The following DNAJA1 variants were observed in gnomAD, a reference collection of about 807,000 sequenced individuals.
The protein encoded by DNAJA1 is DnaJ heat shock protein family (Hsp40) member A1, also known as dnaJ homolog subfamily A member 1.
A neutral mutation model predicts 47.6 loss-of-function variants in DNAJA1; 26 were observed. The observed-to-expected ratio is 0.55, with a 90% confidence interval of 0.40 to 0.76. The LOEUF (loss-of-function observed/expected upper bound fraction) is 0.76. Among genes scored for constraint, DNAJA1 ranks in the 30% least tolerant of loss-of-function variants. The pLI is 0.00. For synonymous variants in DNAJA1, 165 were observed against 158.4 expected (o/e 1.04, Z -0.31); for missense variants, 315 against 485.0 (o/e 0.65, Z 3.29).
In DNAJA1 at chr9:33,026,654, C is replaced by A. The variant is rs756858614; in HGVS notation, c.132+38C>A. The A allele has an allele frequency of 6.3e-6, 10 of 1,582,558 alleles. No homozygotes were observed. The South Asian group carries it at 1.1e-4, about 17-fold the overall frequency. On this transcript the variant is annotated intron_variant, in intron 2 of 8. Transcript: ENST00000330899. The stretch of plus-strand genomic sequence containing the variant: ...TACTCTTAAACGTATCTGAATAGTT[C>A]TTTGCCAGACGTATAGTATTTCTAT...
intron 3 of DNAJA1, 142 bp downstream of exon 3, chr9:33,027,132 G>C: frequency 1.0e-6 from 1 of 1,004,160 alleles, no homozygotes; most frequent in Non-Finnish European, 1.4e-6. Flanking sequence ...CTGATTTATG[G>C]TGTCGTGTTT....
intron 8 of DNAJA1, 91 bp downstream of exon 8, chr9:33,037,206 T>C: frequency 1.9e-6 from 2 of 1,079,614 alleles, no homozygotes; most frequent in Non-Finnish European, 2.7e-6. Flanking sequence ...TGCAAGTAGC[T>C]CATGCCTGTA....
intron 6 of DNAJA1, 37 bp downstream of exon 6, chr9:33,034,367 A>G (rs1352913431): frequency 6.6e-6 from 10 of 1,511,750 alleles, no homozygotes; most frequent in East Asian, 4.5e-5. Flanking sequence ...TTGATATCAC[A>G]TATTTGGGTT....
At position 33,037,106 on chromosome 9, in the gene DNAJA1, C is replaced by G; in HGVS notation, c.966C>G (p.Ile322Met). 1 of 1,613,528 alleles carries G rather than the reference C, an allele frequency of 6.2e-7. No individual in the cohort carries two copies. The highest frequency in any genetic ancestry group is 8.5e-7 in the Non-Finnish European group (1 of 1,179,650). The change falls in exon 8 of 9, where the codon ATC (isoleucine) becomes ATG (methionine). Residue 322 changes from isoleucine to methionine, a missense_variant. By Grantham distance (10) the Ile-to-Met change is conservative (BLOSUM62 1). Transcript: ENST00000330899. ...CATATGAAAAGGGTCGCCTAATCAT[C>G]GAATTTAAGGTAAGCTGTAATGTAC... ...RRPYEKGRLIIEFKVNFPENG... is the reference protein window; with the variant it reads ...RRPYEKGRLIMEFKVNFPENG...
rs900750633 is a variant in DNAJA1, at chr9:33,039,155, T to C, written c.*252T>C. ...TACAAAGAAGTTCCCCTAGCATTTC[T>C]AGGCCAAACCTTGTAATTGACTTCA... On this transcript the variant is annotated 3_prime_UTR_variant, in exon 9 of 9. Transcript: ENST00000330899. The C allele has an allele frequency of 1.3e-5, 6 of 467,826 alleles. No individual in the cohort carries two copies. Among genetic ancestry groups the C allele is most frequent in the African/African-American group, 9.8e-5 (5 of 50,960 alleles). 29.0% of individuals were successfully genotyped at this position (467,826 alleles called of 1,614,324 possible).
intron 5 of DNAJA1, among the ~76,000 whole-genome samples, chr9:33,032,095 T>C (rs1263500946): frequency 2.6e-5 from 4 of 152,270 alleles, no homozygotes; most frequent in Non-Finnish European, 5.9e-5. Flanking sequence ...TCTACTATTA[T>C]ACTGTACTGT....
At chr9:33,025,864 A>T (rs1166617707) in intron 1 of DNAJA1, among the ~76,000 whole-genome samples, 1 of 152,120 alleles carries the variant, frequency 6.6e-6, no homozygotes, top group Non-Finnish European at 1.5e-5. Flanking sequence ...ACTTGGGTCC[A>T]GGGTGGGAGG....
chr9:33,038,168 C>CTTT (rs1339799205), intron 8 of DNAJA1, among the ~76,000 whole-genome samples: 2 of 151,900 alleles, frequency 1.3e-5, no homozygotes, highest in Non-Finnish European at 2.9e-5. Context: ...CCACGCTGGG[C>CTTT]TTTTTAGTAG....
Position 33,039,563 on chromosome 9 carries a change from T to C in DNAJA1, c.*660T>C, listed in dbSNP as rs1361662317. The C allele has an allele frequency of 1.9e-5, 2 of 107,984 alleles. No homozygotes were observed. The highest frequency in any genetic ancestry group is 4.3e-5 in the Non-Finnish European group (2 of 46,374). 6.7% of individuals were successfully genotyped at this position (107,984 alleles called of 1,614,324 possible). ...TATATATATACATATATATATATAA[T>C]CTTGACCAGTCCTGGTCATTTGCTC... On this transcript the variant is annotated 3_prime_UTR_variant, in exon 9 of 9. Coordinates refer to ENST00000330899, the MANE Select transcript of DNAJA1 (RefSeq NM_001539.4).
At chr9:33,036,550 A>G in intron 6 of DNAJA1, 24 bp from the exon 7 acceptor site, 1 of 1,489,180 alleles carries the variant, frequency 6.7e-7, no homozygotes, top group South Asian at 1.2e-5. Context: ...TGAAAAATAT[A>G]AATATGTGTC....
At position 33,036,661 on chromosome 9, in the gene DNAJA1, C is replaced by T; in HGVS notation, c.846C>T (p.Asn282=). 1 of 1,613,864 alleles carries T rather than the reference C, an allele frequency of 6.2e-7. No homozygotes were observed. Among genetic ancestry groups the T allele is most frequent in the Non-Finnish European group, 8.5e-7 (1 of 1,179,854 alleles). The stretch of plus-strand genomic sequence containing the variant: ...AGAAGCCAATATCTACTCTTGACAA[C>T]CGAACCATCGTCATCACCTCTCATC... The part of the protein sequence containing the change: ...GFQKPISTLD[N]RTIVITSHPG... Residue 282 remains asparagine, a synonymous_variant, in exon 7 of 9, where the codon AAC becomes AAT. Transcript: ENST00000330899.
At chr9:33,031,367 G>C (rs1280427266) in intron 5 of DNAJA1, among the ~76,000 whole-genome samples, 1 of 152,204 alleles carries the variant, frequency 6.6e-6, no homozygotes, top group East Asian at 1.9e-4. Context: ...AAAGTGCTGG[G>C]ATTACAGGCA....
chr9:33,033,391 A>G (rs1174138631), intron 5 of DNAJA1, among the ~76,000 whole-genome samples: 2 of 152,012 alleles, frequency 1.3e-5, no homozygotes, highest in East Asian at 1.9e-4. Flanking sequence ...TAAGGGGACT[A>G]TACTGAATAG....
chr9:33,038,695 C>T lies in DNAJA1; in HGVS notation c.986C>T (p.Pro329Leu). 1 of 1,613,590 alleles carries T rather than the reference C, an allele frequency of 6.2e-7. No homozygotes were observed. The change falls in exon 9 of 9, where the codon CCT (proline) becomes CTT (leucine). Residue 329 changes from proline to leucine, a missense_variant. Physicochemically the swap from Pro to Leu is moderately conservative, Grantham distance 98. Transcript: ENST00000330899. ...RLIIEFKVNF[P>L]ENGFLSPDKL... ...AAGTTTCTTTTGAAGGTAAACTTTC[C>T]TGAGAATGGCTTTCTCTCTCCTGAT...
chr9:33,030,504 A>G lies in DNAJA1; in HGVS notation c.480A>G (p.Ile160Met), dbSNP rs1441184740. 4.3e-6 allele frequency: 7 copies of G among 1,614,012 alleles called. No homozygotes were observed. Among genetic ancestry groups the G allele is most frequent in the Non-Finnish European group, 5.9e-6 (7 of 1,180,020 alleles). ...ATTGCCGAGGTACTGGAATGCAAAT[A>G]AGAATTCATCAGATAGGACCTGGAA... ...CPNCRGTGMQ[I>M]RIHQIGPGMV... Residue 160 changes from isoleucine (I) to methionine (M), a missense_variant, in exon 5 of 9, where the codon ATA becomes ATG. Ile to Met is a conservative substitution (Grantham distance 10). This residue lies in a region of DNAJA1 where 8 missense variants were observed against 43.4 expected (regional missense o/e 0.18). Transcript: ENST00000330899.
chr9:33,026,650 A>C (rs777482678), intron 2 of DNAJA1, 34 bp downstream of exon 2: 2 of 1,585,498 alleles, frequency 1.3e-6, no homozygotes, highest in East Asian at 4.5e-5. Flanking sequence ...GTATCTGAAT[A>C]GTTCTTTGCC....
At chr9:33,035,981 C>G (rs961147012) in intron 6 of DNAJA1, 1 of 152,088 alleles carries the variant, frequency 6.6e-6, no homozygotes, top group African/African-American at 2.4e-5. Context: ...ATCTAGGACC[C>G]TGCCCAGGCT....
intron 3 of DNAJA1, among the ~76,000 whole-genome samples, chr9:33,029,679 C>A (rs1490420895): frequency 1.3e-5 from 2 of 152,190 alleles, no homozygotes; most frequent in African/African-American, 4.8e-5. Context: ...TAATCTCTGA[C>A]CTGATTTTCC....
At position 33,026,789 on chromosome 9, in the gene DNAJA1, A is replaced by AT. The variant is rs201693102; in HGVS notation, c.133-22dup. The AT allele has an allele frequency of 4.2e-4, 667 of 1,602,330 alleles. 2 individuals are homozygous for AT. The African/African-American group carries it at 7.6e-3, about 18-fold the overall frequency. ...TAACACTTGTTTTTTAAAAAATGAA[A>AT]TTCACTCCTCTTTTCTCAAACAGTT... On this transcript the variant is annotated intron_variant, in intron 2 of 8. Transcript: ENST00000330899.
Sources: allele counts gnomAD v4.1 joint callset (sites outside exome capture counted in the v4.1 genomes callset), GRCh38; gene constraint gnomAD v4.1.1; regional missense constraint gnomAD v4.1.1; transcripts MANE v1.5; gene names NCBI Gene and HGNC (gene_info 2026-07-23, HGNC 2026-07-21).